REXO1: variants seen among roughly 807,000 people sequenced by gnomAD.
REXO1 encodes the protein RNA exonuclease 1 homolog, also known as REX1, RNA exonuclease 1 homolog.
REXO1 carries 42 observed loss-of-function variants against 102.6 expected under a neutral mutation model. The ratio of observed to expected loss-of-function variants is 0.41; its 90% CI spans 0.32 to 0.53. REXO1 has a LOEUF of 0.53. REXO1 is among the 20% of genes least tolerant of loss of function. The pLI, the probability that REXO1 is intolerant of heterozygous loss-of-function variation, is 0.27. For missense variants in REXO1, 1,819 were observed against 1,732.5 expected (o/e 1.05, Z -0.89); for synonymous variants, 908 against 779.1 (o/e 1.17, Z -2.76).
chr19:1,818,901 C>G (rs2069449772), intron 8 of REXO1, 58 bp from the exon 9 acceptor site: 4 of 1,591,700 alleles, frequency 2.5e-6, no homozygotes, highest in Non-Finnish European at 8.6e-7. Context: ...GCGGTAGACA[C>G]CACCGGGAAA....
intron 1 of REXO1, among the ~76,000 whole-genome samples, chr19:1,838,999 A>C (rs1310408535): frequency 6.6e-6 from 1 of 152,098 alleles, no homozygotes; most frequent in African/African-American, 2.4e-5. Flanking sequence ...TCACGCCTAT[A>C]ATCCCAGCAC....
intron 1 of REXO1, 48 bp from the exon 2 acceptor site, chr19:1,828,679 C>A (rs2069820581): frequency 5.2e-6 from 8 of 1,539,074 alleles, no homozygotes; most frequent in Non-Finnish European, 6.1e-6. Flanking sequence ...CGGAGAGGAG[C>A]CCGCAGCATG....
intron 1 of REXO1, among the ~76,000 whole-genome samples, chr19:1,844,425 C>T (rs1022809411): frequency 6.6e-6 from 1 of 152,238 alleles, no homozygotes; most frequent in Non-Finnish European, 1.5e-5. Context: ...AGGAGGACCC[C>T]TGCCTGACCC....
chr19:1,831,516 A>C (rs1332011778), intron 1 of REXO1, among the ~76,000 whole-genome samples: 2 of 151,120 alleles, frequency 1.3e-5, no homozygotes, highest in East Asian at 1.9e-4. Context: ...CCCCACCCAC[A>C]CCCCCTCAAG....
At chr19:1,846,534 G>C (rs2011549484) in intron 1 of REXO1, among the ~76,000 whole-genome samples, 1 of 152,182 alleles carries the variant, frequency 6.6e-6, no homozygotes. Context: ...TCACCAAAGG[G>C]ACCCTCAAAA....
At chr19:1,842,532 G>A (rs2011332217) in intron 1 of REXO1, among the ~76,000 whole-genome samples, 1 of 152,254 alleles carries the variant, frequency 6.6e-6, no homozygotes, top group South Asian at 2.1e-4. Context: ...AACCAGCCTC[G>A]ACTGGCACGG....
intron 3 of REXO1, chr19:1,824,058 G>C (rs540907022): frequency 5.4e-6 from 2 of 367,402 alleles, no homozygotes; most frequent in Non-Finnish European, 9.7e-6. Flanking sequence ...GGACTACCCC[G>C]ATTACACTGG....
chr19:1,838,035 CAGT>C (rs2070091610), intron 1 of REXO1, among the ~76,000 whole-genome samples: 1 of 152,206 alleles, frequency 6.6e-6, no homozygotes, highest in African/African-American at 2.4e-5. Context: ...AGGCTGGGCG[CAGT>C]AGCTCACGGC....
chr19:1,827,866 T>C lies in REXO1; in HGVS notation c.923A>G (p.Lys308Arg). The change falls in exon 2 of 16, where the codon AAA (lysine) becomes AGA (arginine). Residue 308 changes from lysine (K) to arginine (R), a missense_variant. Physicochemically the swap from Lys to Arg is conservative, Grantham distance 26 (BLOSUM62 2). Transcript: ENST00000170168. The stretch of plus-strand genomic sequence containing the variant: ...CTTGATCTCAGGGTCGGCCCTGGCT[T>C]TGGGGGTGCTGGCCGTGGTGGGCTC... ...GNEPTTASTPKARADPEIKAT... is the reference protein window; with the variant it reads ...GNEPTTASTPRARADPEIKAT... 1 of 1,613,442 alleles carries C rather than the reference T, an allele frequency of 6.2e-7. No individual in the cohort carries two copies. Among genetic ancestry groups the C allele is most frequent in the Non-Finnish European group, 8.5e-7 (1 of 1,179,812 alleles).
rs141885664 is a variant in REXO1 at position 1,830,889 on chromosome 19, A to C, written c.158-2258T>G. On this transcript the variant is annotated intron_variant, in intron 1 of 15. Coordinates refer to ENST00000170168, the MANE Select transcript of REXO1 (RefSeq NM_020695.4). ...TCACTGCAAAAACACAACAATAAAT[A>C]ACGCAGGAGATGACCTAGAAGCCGA... 2.6e-3 allele frequency: 407 copies of C among 153,864 alleles called. 1 individual carries two copies. Among genetic ancestry groups the C allele is most frequent in the Non-Finnish European group, 4.5e-3 (311 of 68,630 alleles). 9.5% of individuals were successfully genotyped at this position (153,864 alleles called of 1,614,324 possible).
chr19:1,838,044 A>T (rs990819483), intron 1 of REXO1, among the ~76,000 whole-genome samples: 1 of 152,202 alleles, frequency 6.6e-6, no homozygotes. Flanking sequence ...GCAGTAGCTC[A>T]CGGCTCTAAT....
intron 1 of REXO1, among the ~76,000 whole-genome samples, chr19:1,843,713 C>A (rs1397877014): frequency 6.6e-6 from 1 of 152,242 alleles, no homozygotes; most frequent in African/African-American, 2.4e-5. Context: ...TCCATTCCTT[C>A]CTGGACGCGG....
rs1280082771 is a variant in REXO1, at chr19:1,826,473, GATGGGGGAAGGGAGGAGGGGAGAAGA to G, written c.1911+379_1911+404del. ...GAGGAGCTGGAAGAGAAGAGACAGA[GATGGGGGAAGGGAGGAGGGGAGAAGA>G]GAGGGGGAAGGGAGGAAAGGGGAGG... On this transcript the variant is annotated intron_variant, in intron 2 of 15. Transcript: ENST00000170168. The surrounding 1 kb of genome is among the most constrained non-coding windows in gnomAD (Gnocchi z 4.3). 2.0e-5 allele frequency among the ~76,000 whole-genome samples: 3 copies of G among 148,160 alleles called. No homozygotes were observed. Among genetic ancestry groups the G allele is most frequent in the Non-Finnish European group, 4.5e-5 (3 of 67,006 alleles).
Position 1,845,630 on chromosome 19 carries a change from C to A in REXO1, c.157+2572G>T, listed in dbSNP as rs200460068. On this transcript the variant is annotated intron_variant, in intron 1 of 15. Transcript: ENST00000170168. ...AGTAAGCTGTGATCGCACCACTGCA[C>A]TCCAGCCTGGGTGATAAAGTGAGAC... 2.6e-5 allele frequency among the ~76,000 whole-genome samples: 4 copies of A among 152,202 alleles called. No individual in the cohort carries two copies. The East Asian group carries it at 7.7e-4, about 29-fold the overall frequency.
chr19:1,820,927 A>G (rs1402244568), intron 5 of REXO1, among the ~76,000 whole-genome samples: 1 of 151,452 alleles, frequency 6.6e-6, no homozygotes, highest in East Asian at 2.0e-4. Flanking sequence ...TGAGCCCAGG[A>G]GGTCGAGGTT....
intron 1 of REXO1, among the ~76,000 whole-genome samples, chr19:1,843,722 G>A (rs116838432): frequency 1.3e-3 from 198 of 152,368 alleles, no homozygotes; most frequent in African/African-American, 4.5e-3. Context: ...TCCTGGACGC[G>A]GCTCACTGAG....
chr19:1,831,737 C>T (rs1219584616), intron 1 of REXO1, among the ~76,000 whole-genome samples: 1 of 149,724 alleles, frequency 6.7e-6, no homozygotes, highest in Non-Finnish European at 1.5e-5. Context: ...CCCAGCTACT[C>T]GGGAGGCTGA....
rs764858734 is a variant in REXO1 at position 1,828,217 on chromosome 19, C to T, written c.572G>A (p.Arg191Lys). The T allele has an allele frequency of 1.7e-5, 27 of 1,605,998 alleles. No homozygotes were observed. The highest frequency in any genetic ancestry group is 2.2e-5 in the Non-Finnish European group (26 of 1,176,902). Reference protein sequence around the residue: ...SLASLDRGQGRGGGGGGALEY... With the variant: ...SLASLDRGQGKGGGGGGALEY... ...CAGGGCACCGCCACCCCCTCCACCT[C>T]TGCCCTGACCCCTGTCCAGGGACGC... The change falls in exon 2 of 16, where the codon AGA (arginine) becomes AAA (lysine). Residue 191 changes from arginine to lysine, a missense_variant. By Grantham distance (26) the Arg-to-Lys change is conservative. Coordinates refer to ENST00000170168, the MANE Select transcript of REXO1 (RefSeq NM_020695.4).
intron 1 of REXO1, among the ~76,000 whole-genome samples, chr19:1,843,743 CGGACCGA>C (rs2011407884): frequency 6.6e-6 from 1 of 152,216 alleles, no homozygotes; most frequent in Non-Finnish European, 1.5e-5. Flanking sequence ...GATGAAAAGT[CGGACCGA>C]GGAGAGCACA....
Sources: gnomAD v4.1 joint callset for allele counts (sites outside exome capture counted in the v4.1 genomes callset) on GRCh38, gnomAD v4.1.1 for gene constraint, Gnocchi (gnomAD v3.1) non-coding constraint, MANE v1.5 for transcripts, NCBI Gene and HGNC (gene_info 2026-07-23, HGNC 2026-07-21) for gene names.